Variants in TBC1D22A observed in about 807,000 individuals in gnomAD.
TBC1D22A encodes the protein TBC1 domain family member 22A.
TBC1D22A carries 38 observed loss-of-function variants against 60.2 expected under a neutral mutation model. The observed-to-expected ratio is 0.63, with a 90% CI of 0.49 to 0.83. The LOEUF (loss-of-function observed/expected upper bound fraction) is 0.83, where lower values mean the gene tolerates loss of function less well. Ranked by LOEUF, TBC1D22A falls within the 40% of genes least tolerant of loss-of-function variation. The probability of loss-of-function intolerance (pLI) is 0.00; values close to 1 mark genes in which losing one functional copy is unlikely to be tolerated. For missense variants in TBC1D22A, 628 were observed against 701.0 expected, an observed-to-expected ratio of 0.90 and a Z score of 1.18; for synonymous variants, 302 against 281.7, an observed-to-expected ratio of 1.07 and a Z score of -0.72.
In TBC1D22A at chr22:47,110,841, T is replaced by C. The variant is rs554952821; in HGVS notation, c.1330-667T>C. 2.0e-5 allele frequency among the ~76,000 whole-genome samples: 3 copies of C among 152,234 alleles called. No homozygotes were observed. The East Asian group carries it at 5.8e-4, about 29-fold the overall frequency. Reference sequence around the variant, plus strand: ...GGTGTGCAAGCCCCGAGCCTCGGTGTGGGAGGGCCTCTGGGAGCTGACAGT... The same window carrying C: ...GGTGTGCAAGCCCCGAGCCTCGGTGCGGGAGGGCCTCTGGGAGCTGACAGT... On this transcript the variant is annotated intron_variant, in intron 11 of 12. Transcript: ENST00000337137.
intron 12 of TBC1D22A, among the ~76,000 whole-genome samples, chr22:47,156,577 C>T (rs576779235): frequency 3.7e-4 from 56 of 152,232 alleles, no homozygotes; most frequent in African/African-American, 1.3e-3. Context: ...CTCACAGAGG[C>T]GACCAGAAGA....
chr22:46,905,667 G>A (rs756674716), intron 7 of TBC1D22A, among the ~76,000 whole-genome samples: 15 of 152,208 alleles, frequency 9.9e-5, no homozygotes, highest in Non-Finnish European at 1.3e-4. Flanking sequence ...GAGGGCCAGC[G>A]GTCCCAGAAG....
intron 8 of TBC1D22A, among the ~76,000 whole-genome samples, chr22:46,966,771 C>T (rs2073824036): frequency 6.6e-6 from 1 of 152,212 alleles, no homozygotes; most frequent in Non-Finnish European, 1.5e-5. Flanking sequence ...GTTCTTTGTA[C>T]AAAAAGTAGG....
chr22:46,935,623 T>TG (rs2071603507), intron 8 of TBC1D22A, among the ~76,000 whole-genome samples: 2 of 152,342 alleles, frequency 1.3e-5, no homozygotes, highest in South Asian at 4.1e-4. Flanking sequence ...CTAGGAGTCT[T>TG]GCAGCGGTCA....
chr22:47,019,617 G>A (rs1190693770), intron 10 of TBC1D22A, among the ~76,000 whole-genome samples: 2 of 152,074 alleles, frequency 1.3e-5, no homozygotes, highest in African/African-American at 4.8e-5. Context: ...GGGCAGGCAG[G>A]GGTAGTGATA....
In TBC1D22A at chr22:46,807,047, A is replaced by T. The variant is rs144491966; in HGVS notation, c.637+9427A>T. Among the ~76,000 whole-genome samples, 16 of 152,384 alleles carry T rather than the reference A, an allele frequency of 1.0e-4. No homozygotes were observed. The East Asian group carries it at 2.7e-3, about 26-fold the overall frequency. On this transcript the variant is annotated intron_variant, in intron 4 of 12. Transcript: ENST00000337137. ...GGATTGGCAGGTTCTGTGACCGCAG[A>T]TTCTTCCTGCTCAACCGCAGATTCT...
chr22:46,998,742 T>G (rs941255265), intron 10 of TBC1D22A, among the ~76,000 whole-genome samples: 5 of 152,280 alleles, frequency 3.3e-5, no homozygotes, highest in African/African-American at 1.2e-4. Flanking sequence ...CTGTGTCTCA[T>G]GGTGATTACC....
At chr22:46,770,351 C>T (rs762353843) in intron 1 of TBC1D22A, among the ~76,000 whole-genome samples, 7 of 152,218 alleles carry the variant, frequency 4.6e-5, no homozygotes, top group East Asian at 1.9e-4. Flanking sequence ...TCGAGCCTCC[C>T]GGAAGGGGCA....
At chr22:46,846,882 C>T (rs2087020789) in intron 4 of TBC1D22A, among the ~76,000 whole-genome samples, 1 of 152,204 alleles carries the variant, frequency 6.6e-6, no homozygotes. Flanking sequence ...CCTGTCATTT[C>T]CCCTTTCTGT....
At chr22:46,773,966 C>T (rs936801685) in intron 1 of TBC1D22A, 2 of 985,530 alleles carry the variant, frequency 2.0e-6, no homozygotes, top group African/African-American at 1.7e-5. Flanking sequence ...TCATCCTTAT[C>T]TCCTCCATTC....
chr22:47,094,336 G>A (rs554583594), intron 11 of TBC1D22A, among the ~76,000 whole-genome samples: 13 of 152,298 alleles, frequency 8.5e-5, no homozygotes, highest in African/African-American at 3.1e-4. Flanking sequence ...TTTAAGTCAG[G>A]GGACTTTGCA....
chr22:47,062,918 G>T (rs959804911), intron 11 of TBC1D22A, among the ~76,000 whole-genome samples: 5 of 36,782 alleles, frequency 1.4e-4, no homozygotes, highest in African/African-American at 7.1e-4. Context: ...AGGCCACCAT[G>T]TGCAACGAGT....
intron 8 of TBC1D22A, among the ~76,000 whole-genome samples, chr22:46,952,678 G>C (rs930190924): frequency 6.6e-6 from 1 of 152,208 alleles, no homozygotes; most frequent in Non-Finnish European, 1.5e-5. Flanking sequence ...AGTGCTGGAG[G>C]CAGAGGCAGC....
At chr22:46,765,075 A>G (rs186289607) in intron 1 of TBC1D22A, among the ~76,000 whole-genome samples, 1 of 152,308 alleles carries the variant, frequency 6.6e-6, no homozygotes, top group East Asian at 1.9e-4. Context: ...TCTGTGTCTT[A>G]GGCACTTTTG....
At chr22:47,095,049 A>G (rs926684942) in intron 11 of TBC1D22A, among the ~76,000 whole-genome samples, 8 of 152,256 alleles carry the variant, frequency 5.3e-5, no homozygotes, top group African/African-American at 1.2e-4. Flanking sequence ...GTGCCATGAA[A>G]TGTGATGTAC....
chr22:47,109,003 A>T (rs5767500), intron 11 of TBC1D22A, among the ~76,000 whole-genome samples: 2 of 152,060 alleles, frequency 1.3e-5, no homozygotes, highest in African/African-American at 2.4e-5. Flanking sequence ...CCTGAAATAT[A>T]TAAAGTTTAT....
At position 47,173,586 on chromosome 22, in the gene TBC1D22A, A is replaced by G; in HGVS notation, c.1514A>G (p.Lys505Arg). 1 of 1,614,106 alleles carries G rather than the reference A, an allele frequency of 6.2e-7. No individual in the cohort carries two copies. Among genetic ancestry groups the G allele is most frequent in the Non-Finnish European group, 8.5e-7 (1 of 1,180,020 alleles). ...SLLLAEAYRL[K>R]FAFADAPNHY... Reference sequence around the variant, plus strand: ...TTGCTGGCCGAGGCCTACCGCCTCAAGTTTGCTTTTGCCGACGCCCCCAAT... The same window carrying G: ...TTGCTGGCCGAGGCCTACCGCCTCAGGTTTGCTTTTGCCGACGCCCCCAAT... The change falls in exon 13 of 13, where the codon AAG (lysine) becomes AGG (arginine). Residue 505 changes from lysine to arginine, a missense_variant. By Grantham distance (26) the Lys-to-Arg change is conservative. Transcript: ENST00000337137.
chr22:47,135,710 A>T (rs1436888554), intron 12 of TBC1D22A, among the ~76,000 whole-genome samples: 1 of 152,212 alleles, frequency 6.6e-6, no homozygotes, highest in Non-Finnish European at 1.5e-5. Context: ...CCTGGTGCCT[A>T]GATTAGTACT....
chr22:46,763,085 T>C lies in TBC1D22A; in HGVS notation c.62+237T>C, dbSNP rs185996604. ...AAGGACGAGGAGGAGCTATTGGCGTTTTTCCTGACACTGGCAGGCTTCTTT... is the reference window on the plus strand; with the variant it reads ...AAGGACGAGGAGGAGCTATTGGCGTCTTTCCTGACACTGGCAGGCTTCTTT... On this transcript the variant is annotated intron_variant, in intron 1 of 12. Transcript: ENST00000337137. Among the ~76,000 whole-genome samples the C allele has an allele frequency of 8.5e-3, 1,299 of 152,008 alleles. 16 individuals are homozygous for C. The highest frequency in any genetic ancestry group is 0.03 in the African/African-American group (1,238 of 41,458).
Sources: gnomAD v4.1 joint callset for allele counts (sites outside exome capture counted in the v4.1 genomes callset) on GRCh38, gnomAD v4.1.1 for gene constraint, MANE v1.5 for transcripts, NCBI Gene and HGNC (gene_info 2026-07-23, HGNC 2026-07-21) for gene names.